The following R3HDM1 variants were observed in gnomAD, a reference collection of about 807,000 sequenced individuals.
R3HDM1 encodes R3H domain containing 1, also known as R3H domain-containing protein 1.
In R3HDM1, 46 loss-of-function variants were observed where a neutral mutation model predicts 141.1. That is an observed-to-expected ratio of 0.33 (90% CI 0.26 to 0.42). The LOEUF (loss-of-function observed/expected upper bound fraction) is 0.42. Among genes scored for constraint, R3HDM1 ranks in the 10% least tolerant of loss-of-function variants. R3HDM1 has a pLI of 1.00. For missense variants in R3HDM1, 1,184 were observed against 1,368.3 expected (o/e 0.87, Z 2.12); for synonymous variants, 435 against 472.9 (o/e 0.92, Z 1.04).
At chr2:135,536,201 AG>A (rs1183162887) in intron 1 of R3HDM1, among the ~76,000 whole-genome samples, 2 of 152,166 alleles carry the variant, frequency 1.3e-5, no homozygotes, top group African/African-American at 4.8e-5. Flanking sequence ...GTGCAGCGAC[AG>A]GATCATAGCT....
intron 23 of R3HDM1, 151 bp downstream of exon 23, chr2:135,710,382 T>G: frequency 4.0e-6 from 3 of 745,164 alleles, no homozygotes; most frequent in South Asian, 2.1e-5. Context: ...CCCAGCACTT[T>G]TTGGGAGGCT....
Position 135,724,174 on chromosome 2 carries a change from C to G in R3HDM1, c.3287C>G (p.Ser1096Cys), listed in dbSNP as rs1381471170. The G allele has an allele frequency of 3.1e-6, 5 of 1,613,978 alleles. No homozygotes were observed. Among genetic ancestry groups the G allele is most frequent in the Non-Finnish European group, 4.2e-6 (5 of 1,179,864 alleles). The change falls in exon 27 of 27, where the codon TCC (serine) becomes TGC (cysteine). Residue 1096 changes from serine (S) to cysteine (C), a missense_variant. Ser to Cys is a moderately radical substitution (Grantham distance 112, BLOSUM62 -1). This residue lies in a region of R3HDM1 where 182 missense variants were observed against 252.6 expected (regional missense o/e 0.72). Transcript: ENST00000683871. ...STYTVLATFP[S>C]ISAAQNALKK... Reference sequence around the variant, plus strand: ...TACACCGTCTTAGCCACATTCCCCTCCATTTCAGCTGCACAGAATGCACTG... The same window carrying G: ...TACACCGTCTTAGCCACATTCCCCTGCATTTCAGCTGCACAGAATGCACTG...
At chr2:135,670,826 CA>C (rs1015352174) in intron 19 of R3HDM1, among the ~76,000 whole-genome samples, 21 of 152,116 alleles carry the variant, frequency 1.4e-4, no homozygotes, top group African/African-American at 4.1e-4. Flanking sequence ...GGGAGGCCAA[CA>C]GGGGCGGTTC....
chr2:135,702,212 A>AGG lies in R3HDM1; in HGVS notation c.2460-7217_2460-7216dup, dbSNP rs774061748. On this transcript the variant is annotated intron_variant, in intron 21 of 26. Transcript: ENST00000683871. ...GGGCGACAGAGCAAGACGTTGTCTC[A>AGG]GGGGGAAAAAAAAAAAAAAAAAAAA... Among the ~76,000 whole-genome samples, 158 of 66,004 alleles carry AGG rather than the reference A, an allele frequency of 2.4e-3. 1 individual carries two copies. Among genetic ancestry groups the AGG allele is most frequent in the Middle Eastern group, 0.01 (1 of 96 alleles). The allele number at this position is 66,004 out of a possible 152,430, so 43.3% of individuals were successfully genotyped here.
intron 18 of R3HDM1, among the ~76,000 whole-genome samples, chr2:135,660,300 G>C (rs2066522178): frequency 6.6e-6 from 1 of 151,978 alleles, no homozygotes; most frequent in Non-Finnish European, 1.5e-5. Flanking sequence ...GAGATATCTT[G>C]GGATAGGGCC....
chr2:135,662,757 AGCT>A (rs2066894662), intron 19 of R3HDM1, among the ~76,000 whole-genome samples: 1 of 152,232 alleles, frequency 6.6e-6, no homozygotes, highest in Non-Finnish European at 1.5e-5. Flanking sequence ...ACTGCTCATT[AGCT>A]TTATATACAC....
At chr2:135,687,142 C>G in intron 21 of R3HDM1, among the ~76,000 whole-genome samples, 1 of 152,194 alleles carries the variant, frequency 6.6e-6, no homozygotes, top group East Asian at 1.9e-4. Context: ...TTGCAGTGAG[C>G]CGAGATAGTG....
chr2:135,654,180 G>A (rs1479818424), intron 18 of R3HDM1, among the ~76,000 whole-genome samples: 1 of 151,730 alleles, frequency 6.6e-6, no homozygotes, highest in African/African-American at 2.4e-5. Flanking sequence ...GTCTCCTATG[G>A]TTTTACCTAT....
chr2:135,690,820 G>A (rs1285956045), intron 21 of R3HDM1, among the ~76,000 whole-genome samples: 2 of 152,032 alleles, frequency 1.3e-5, no homozygotes, highest in Non-Finnish European at 2.9e-5. Flanking sequence ...AAATGTTAAA[G>A]GAGAAGGGAA....
At chr2:135,654,170 G>A (rs1164689818) in intron 18 of R3HDM1, among the ~76,000 whole-genome samples, 1 of 151,940 alleles carries the variant, frequency 6.6e-6, no homozygotes, top group Non-Finnish European at 1.5e-5. Context: ...ATCTGCTTCT[G>A]TCTCCTATGG....
intron 19 of R3HDM1, among the ~76,000 whole-genome samples, chr2:135,672,718 T>A (rs1478948023): frequency 6.6e-6 from 1 of 152,148 alleles, no homozygotes; most frequent in African/African-American, 2.4e-5. Context: ...ACGTGGTGTT[T>A]GTAAGAGAGT....
In R3HDM1 at chr2:135,638,598, G is replaced by T. The variant is rs200311552; in HGVS notation, c.904-20G>T. 6.3e-7 allele frequency: 1 copy of T among 1,595,848 alleles called. No homozygotes were observed. The highest frequency in any genetic ancestry group is 1.1e-5 in the South Asian group (1 of 90,394). ...ATATTTGACAAAAGCTCAACTTTTT[G>T]TATCTATTCTTTTTTCTAGTCCCTG... On this transcript the variant is annotated intron_variant, in intron 11 of 26. Coordinates refer to ENST00000683871, the MANE Select transcript of R3HDM1 (RefSeq NM_001378107.1).
At chr2:135,564,114 C>G (rs754229869) in intron 1 of R3HDM1, among the ~76,000 whole-genome samples, 1 of 152,194 alleles carries the variant, frequency 6.6e-6, no homozygotes, top group Non-Finnish European at 1.5e-5. Context: ...CAGGTCTCAC[C>G]TCCAACATTG....
intron 21 of R3HDM1, among the ~76,000 whole-genome samples, chr2:135,687,095 T>G (rs1309526004): frequency 6.6e-6 from 1 of 152,072 alleles, no homozygotes; most frequent in Non-Finnish European, 1.5e-5. Context: ...CTCAGGAGGC[T>G]GAGGCACAAG....
intron 1 of R3HDM1, among the ~76,000 whole-genome samples, chr2:135,562,854 G>T (rs1255860558): frequency 6.6e-6 from 1 of 152,072 alleles, no homozygotes; most frequent in African/African-American, 2.4e-5. Flanking sequence ...AATGTTAACT[G>T]TTCCTTTTAT....
chr2:135,538,779 A>G (rs1696801334), intron 1 of R3HDM1, among the ~76,000 whole-genome samples: 1 of 151,954 alleles, frequency 6.6e-6, no homozygotes, highest in South Asian at 2.1e-4. Flanking sequence ...ATGCCCGGCT[A>G]ATTTTTGTAT....
intron 4 of R3HDM1, among the ~76,000 whole-genome samples, 157 bp from the exon 5 acceptor site, chr2:135,616,511 C>T (rs1159988513): frequency 6.6e-6 from 1 of 152,104 alleles, no homozygotes; most frequent in African/African-American, 2.4e-5. Flanking sequence ...TTAACAAAGG[C>T]CTTCAGTAGT....
intron 6 of R3HDM1, chr2:135,621,923 T>C: frequency 1.0e-6 from 1 of 981,214 alleles, no homozygotes; most frequent in Non-Finnish European, 1.2e-6. Context: ...ACTATCACTC[T>C]TGAATTCCTT....
intron 17 of R3HDM1, chr2:135,651,419 C>G: frequency 2.0e-6 from 2 of 977,864 alleles, no homozygotes; most frequent in Non-Finnish European, 2.4e-6. Context: ...CTTCTACATT[C>G]TAATGTTGCT....
Sources: gnomAD v4.1 joint callset for allele counts (sites outside exome capture counted in the v4.1 genomes callset) on GRCh38, gnomAD v4.1.1 for gene constraint, gnomAD v4.1.1 regional missense constraint, MANE v1.5 for transcripts, NCBI Gene and HGNC (gene_info 2026-07-23, HGNC 2026-07-21) for gene names.